HPS5: variants seen among roughly 807,000 people sequenced by gnomAD.
HPS5 encodes BLOC-2 complex member HPS5.
HPS5 carries 83 observed loss-of-function variants against 128.0 expected under a neutral mutation model. The observed-to-expected ratio is 0.65, with a 90% CI of 0.54 to 0.78. HPS5 has a LOEUF of 0.78. Among genes scored for constraint, HPS5 ranks in the 30% least tolerant of loss-of-function variants. The pLI is 0.00. For synonymous variants in HPS5, 475 were observed against 470.2 expected (o/e 1.01, Z -0.13); for missense variants, 1,281 against 1,326.2 (o/e 0.97, Z 0.53).
Position 18,311,460 on chromosome 11 carries a change from C to G in HPS5, c.220-9G>C, listed in dbSNP as rs200661298. The G allele has an allele frequency of 9.6e-5, 146 of 1,523,352 alleles. 1 individual carries two copies. The African/African-American group carries it at 1.6e-3, about 16-fold the overall frequency. The allele number at this position is 1,523,352 out of a possible 1,614,324, so 94.4% of individuals were successfully genotyped here. A position where few individuals can be genotyped will look rare whatever the true frequency, so the allele number is the denominator to read the frequency against. On this transcript the variant is annotated splice_polypyrimidine_tract_variant and intron_variant, in intron 3 of 22. Transcript: ENST00000349215. ...TGAGAAATTGCACCTTCCTAGAGCA[C>G]AAAAGAAAATACATTTTTTAAATCT... is the stretch of plus-strand genomic sequence containing the variant.
rs1056056628 is a variant in HPS5, at chr11:18,286,325, G to A, written c.2837+266C>T. On this transcript the variant is annotated intron_variant, in intron 19 of 22. Transcript: ENST00000349215. Reference sequence around the variant, plus strand: ...TTTGTGAGGCCAAGGCAGGTAGATCGCTTGAGCCCAGGAGATCGAGACCAG... The same window carrying A: ...TTTGTGAGGCCAAGGCAGGTAGATCACTTGAGCCCAGGAGATCGAGACCAG... Among the ~76,000 whole-genome samples, 5 of 152,118 alleles carry A rather than the reference G, an allele frequency of 3.3e-5. No homozygotes were observed. The highest frequency in any genetic ancestry group is 1.9e-4 in the East Asian group (1 of 5,184).
At chr11:18,312,771 G>A (rs1187638783) in intron 2 of HPS5, among the ~76,000 whole-genome samples, 9 of 152,196 alleles carry the variant, frequency 5.9e-5, no homozygotes, top group Non-Finnish European at 1.0e-4. Context: ...CAGTAAGACT[G>A]GAGACAGGAC....
At chr11:18,286,317 G>C (rs1160113266) in intron 19 of HPS5, among the ~76,000 whole-genome samples, 1 of 152,162 alleles carries the variant, frequency 6.6e-6, no homozygotes, top group East Asian at 1.9e-4. Context: ...GGCCAAGGCA[G>C]GTAGATCGCT....
rs934495702 is a variant in HPS5 at position 18,288,216 on chromosome 11, T to C, written c.2441-203A>G. 3.9e-5 allele frequency among the ~76,000 whole-genome samples: 6 copies of C among 152,158 alleles called. No homozygotes were observed. In the South Asian group the frequency reaches 6.2e-4, roughly 16 times the overall value. ...TACTTTTAAGAACCTTAAAATCTAA[T>C]TGGGAGGCAAAGCATATTAAAAGTT... On this transcript the variant is annotated intron_variant, in intron 16 of 22. Coordinates refer to ENST00000349215, the MANE Select transcript of HPS5 (RefSeq NM_181507.2).
chr11:18,281,847 A>C, intron 22 of HPS5, 103 bp downstream of exon 22: 1 of 1,289,292 alleles, frequency 7.8e-7, no homozygotes, highest in Non-Finnish European at 1.1e-6. Context: ...TCCTCATGTT[A>C]GTGATGGGTC....
At position 18,298,899 on chromosome 11, in the gene HPS5, A is replaced by G. The variant is rs1861389938; in HGVS notation, c.1057T>C (p.Ser353Pro). The change falls in exon 10 of 23, where the codon TCC (serine) becomes CCC (proline). Residue 353 changes from serine to proline, a missense_variant. Coordinates refer to ENST00000349215, the MANE Select transcript of HPS5 (RefSeq NM_181507.2). ...ACACAGCGCTCCACAGATATCAGGG[A>G]GAGATGTGAGACTTTCCCATTTAGG... ...LHLNGKVSHL[S>P]LISVERCVER... is the part of the protein sequence containing the mutation. The G allele has an allele frequency of 6.2e-7, 1 of 1,614,192 alleles. No individual in the cohort carries two copies. Among genetic ancestry groups the G allele is most frequent in the South Asian group, 1.1e-5 (1 of 91,084 alleles).
chr11:18,280,611 C>T (rs1858768342), intron 22 of HPS5: 4 of 695,722 alleles, frequency 5.7e-6, no homozygotes, highest in Non-Finnish European at 1.0e-5. Flanking sequence ...GCGTTATTCA[C>T]AATAGCCAGA....
intron 19 of HPS5, 129 bp from the exon 20 acceptor site, chr11:18,285,588 G>T: frequency 1.4e-6 from 1 of 691,844 alleles, no homozygotes; most frequent in South Asian, 1.8e-5. Flanking sequence ...ATTGCTATTT[G>T]GCTTTTGAAA....
chr11:18,304,445 AC>A (rs1453056474), intron 8 of HPS5, among the ~76,000 whole-genome samples: 1 of 152,004 alleles, frequency 6.6e-6, no homozygotes, highest in East Asian at 1.9e-4. Flanking sequence ...TGAACTCCCG[AC>A]CTCAGAAGAT....
In HPS5 at chr11:18,298,803, T is replaced by G; in HGVS notation, c.1153A>C (p.Ile385Leu). Residue 385 changes from isoleucine (I) to leucine (L), a missense_variant, in exon 10 of 23, where the codon ATT (isoleucine) becomes CTT (leucine). Physicochemically the swap from Ile to Leu is conservative, Grantham distance 5. Coordinates refer to ENST00000349215, the MANE Select transcript of HPS5 (RefSeq NM_181507.2). ...AAGCTCTGACTCACTCTGCTGGCAATGACAGAATTTTGGAAAAGACAGCAT... is the reference window on the plus strand; with the variant it reads ...AAGCTCTGACTCACTCTGCTGGCAAGGACAGAATTTTGGAAAAGACAGCAT... ...RTCCLFQNSV[I>L]ASRARKTLTA... 1.9e-6 allele frequency: 3 copies of G among 1,614,128 alleles called. No homozygotes were observed. The highest frequency in any genetic ancestry group is 2.5e-6 in the Non-Finnish European group (3 of 1,180,004).
At chr11:18,281,263 T>C (rs1858898604) in intron 22 of HPS5, among the ~76,000 whole-genome samples, 1 of 150,884 alleles carries the variant, frequency 6.6e-6, no homozygotes, top group African/African-American at 2.4e-5. Flanking sequence ...GCATTTTTTT[T>C]TTTTTTTTTT....
In HPS5 at chr11:18,297,129, C is replaced by A. The variant is rs1861172938; in HGVS notation, c.1324-145G>T. The A allele has an allele frequency of 4.5e-6, 3 of 667,160 alleles. No homozygotes were observed. The South Asian group carries it at 5.5e-5, about 12-fold the overall frequency. 41.3% of individuals were successfully genotyped at this position (667,160 alleles called of 1,614,324 possible). A position where few individuals can be genotyped will look rare whatever the true frequency, so the allele number is the denominator to read the frequency against. ...TATTAGAACAAACTGATGAGCAAGGCTTAGGTGCCTGGCAGCTGGGTCACT... is the reference window on the plus strand; with the variant it reads ...TATTAGAACAAACTGATGAGCAAGGATTAGGTGCCTGGCAGCTGGGTCACT... On this transcript the variant is annotated intron_variant, in intron 11 of 22. Coordinates refer to ENST00000349215, the MANE Select transcript of HPS5 (RefSeq NM_181507.2).
intron 2 of HPS5, among the ~76,000 whole-genome samples, chr11:18,317,258 T>A (rs1311398863): frequency 1.5e-4 from 6 of 39,088 alleles, no homozygotes; most frequent in Non-Finnish European, 3.7e-4. Flanking sequence ...GCCTGATAAA[T>A]TTTTTTTTTT....
rs570766303 is a variant in HPS5, at chr11:18,279,597, T to C, written c.*285A>G. On this transcript the variant is annotated 3_prime_UTR_variant, in exon 23 of 23. Coordinates refer to ENST00000349215, the MANE Select transcript of HPS5 (RefSeq NM_181507.2). ...TTAATACTGTAGTTCGGAATAATAC[T>C]AGGACATTAACATTCTAATTCCAGC... 4.2e-6 allele frequency: 2 copies of C among 474,156 alleles called. No homozygotes were observed. The highest frequency in any genetic ancestry group is 2.0e-5 in the African/African-American group (1 of 51,074). 29.4% of individuals were successfully genotyped at this position (474,156 alleles called of 1,614,324 possible). A position where few individuals can be genotyped will look rare whatever the true frequency, so the allele number is the denominator to read the frequency against.
At position 18,280,064 on chromosome 11, in the gene HPS5, A is replaced by G; in HGVS notation, c.3330-122T>C. 9.7e-6 allele frequency: 9 copies of G among 926,008 alleles called. No individual in the cohort carries two copies. The South Asian group carries it at 1.3e-4, about 13-fold the overall frequency. The allele number at this position is 926,008 out of a possible 1,614,324, so 57.4% of individuals were successfully genotyped here. On this transcript the variant is annotated intron_variant, in intron 22 of 22. Coordinates refer to ENST00000349215, the MANE Select transcript of HPS5 (RefSeq NM_181507.2). ...GTTGACTGATTCTGTGCATTAAAAG[A>G]CACAATGCACAGAGTGAAAAGGCAA...
chr11:18,285,534 T>A, intron 19 of HPS5, 75 bp from the exon 20 acceptor site: 1 of 1,011,466 alleles, frequency 9.9e-7, no homozygotes, highest in Non-Finnish European at 1.5e-6. Context: ...ACCTAATAGG[T>A]AAGAATAGAG....
chr11:18,309,305 T>C (rs1862706752), intron 5 of HPS5, among the ~76,000 whole-genome samples: 1 of 152,264 alleles, frequency 6.6e-6, no homozygotes, highest in Non-Finnish European at 1.5e-5. Context: ...GATCTGTTTG[T>C]GATTATCTAA....
intron 10 of HPS5, among the ~76,000 whole-genome samples, chr11:18,298,354 G>C (rs998611404): frequency 1.3e-5 from 2 of 151,992 alleles, no homozygotes; most frequent in Admixed American, 6.6e-5. Context: ...AATCAGCTAG[G>C]TGTGGTGGCG....
At chr11:18,299,076 G>T (rs1440489468) in intron 9 of HPS5, 106 bp from the exon 10 acceptor site, 1 of 1,061,048 alleles carries the variant, frequency 9.4e-7, no homozygotes, top group African/African-American at 1.6e-5. Flanking sequence ...CGTAGGGTTT[G>T]GCTTGACTGA....
Sources: allele counts gnomAD v4.1 joint callset (sites outside exome capture counted in the v4.1 genomes callset), GRCh38; gene constraint gnomAD v4.1.1; transcripts MANE v1.5; gene names NCBI Gene and HGNC (gene_info 2026-07-23, HGNC 2026-07-21).